ACADSB: variants seen among roughly 807,000 people sequenced by gnomAD.
The protein encoded by ACADSB is short/branched chain specific acyl-CoA dehydrogenase, mitochondrial.
Under a neutral mutation model 54.1 loss-of-function variants are expected in ACADSB, and 40 were observed. The observed-to-expected ratio is 0.74, with a 90% confidence interval of 0.57 to 0.96. The LOEUF is 0.96. Ranked by LOEUF, ACADSB falls within the 40% of genes least tolerant of loss-of-function variation. The pLI is 0.00. For synonymous variants in ACADSB, 182 were observed against 182.8 expected (o/e 1.00, Z 0.03); for missense variants, 530 against 510.4 (o/e 1.04, Z -0.37).
At chr10:123,053,236 G>A (rs905475017) in intron 10 of ACADSB, 76 bp downstream of exon 10, 87 of 1,234,026 alleles carry the variant, frequency 7.1e-5, no homozygotes, top group African/African-American at 2.7e-4. Flanking sequence ...TTTATTTGTC[G>A]TTTTTTTCCT....
In ACADSB at chr10:123,052,188, G is replaced by A. The variant is rs940613799; in HGVS notation, c.1129-873G>A. On this transcript the variant is annotated intron_variant, in intron 9 of 10. Coordinates refer to ENST00000358776, the MANE Select transcript of ACADSB (RefSeq NM_001609.4). The surrounding 1 kb of genome is among the most constrained non-coding windows in gnomAD (Gnocchi z 4.2). ...TGCTATAACAAATTACCAAAAAGTC[G>A]GGGACCTAAAACAACGCAGTTTCAT... Among the ~76,000 whole-genome samples the A allele has an allele frequency of 1.1e-4, 16 of 152,110 alleles. No homozygotes were observed. The highest frequency in any genetic ancestry group is 2.4e-4 in the African/African-American group (10 of 41,440).
intron 1 of ACADSB, among the ~76,000 whole-genome samples, chr10:123,032,867 G>A (rs1054438523): frequency 1.3e-5 from 2 of 152,128 alleles, no homozygotes; most frequent in African/African-American, 4.8e-5. Context: ...GGGATTACAG[G>A]CGTGAGCCAC....
At chr10:123,030,481 C>T (rs1446314343) in intron 1 of ACADSB, among the ~76,000 whole-genome samples, 1 of 147,076 alleles carries the variant, frequency 6.8e-6, no homozygotes, top group Non-Finnish European at 1.5e-5. Context: ...GAACTGAGAT[C>T]GTACCATTGC....
chr10:123,021,999 G>T (rs754623505), intron 1 of ACADSB, among the ~76,000 whole-genome samples: 71 of 151,704 alleles, frequency 4.7e-4, no homozygotes, highest in Non-Finnish European at 9.1e-4. Flanking sequence ...ACTGTGAAGA[G>T]AATTAAAAAA....
intron 3 of ACADSB, among the ~76,000 whole-genome samples, chr10:123,039,275 C>T (rs969559391): frequency 5.3e-5 from 8 of 152,162 alleles, no homozygotes; most frequent in African/African-American, 1.9e-4. Flanking sequence ...ACCATTCAGT[C>T]GCTCGCATTT....
At chr10:123,011,399 A>C (rs976405543) in intron 1 of ACADSB, among the ~76,000 whole-genome samples, 2 of 152,210 alleles carry the variant, frequency 1.3e-5, no homozygotes, top group Non-Finnish European at 2.9e-5. Flanking sequence ...GCCTTCTCAG[A>C]AGGTCTCTCC....
intron 3 of ACADSB, among the ~76,000 whole-genome samples, chr10:123,038,193 G>A (rs1042584659): frequency 2.6e-5 from 4 of 152,194 alleles, no homozygotes; most frequent in Admixed American, 1.3e-4. Flanking sequence ...CTGGCATCTA[G>A]TGGGATAGAG....
chr10:123,042,690 C>T (rs879464559), intron 5 of ACADSB, among the ~76,000 whole-genome samples: 7 of 151,774 alleles, frequency 4.6e-5, no homozygotes, highest in African/African-American at 9.7e-5. Context: ...TCAGGTAATC[C>T]GCCCGACTCA....
intron 1 of ACADSB, among the ~76,000 whole-genome samples, chr10:123,014,347 T>A (rs1850084617): frequency 6.6e-6 from 1 of 152,212 alleles, no homozygotes; most frequent in South Asian, 2.1e-4. Flanking sequence ...TAAGTTAGTT[T>A]TTTAGAGACA....
chr10:123,031,496 T>C (rs117838914), intron 1 of ACADSB, among the ~76,000 whole-genome samples: 2 of 152,166 alleles, frequency 1.3e-5, no homozygotes, highest in Admixed American at 6.5e-5. Context: ...ATCATTTTGA[T>C]GGAGAGGACA....
intron 1 of ACADSB, among the ~76,000 whole-genome samples, chr10:123,032,324 A>G (rs1356653556): frequency 6.6e-6 from 1 of 152,114 alleles, no homozygotes; most frequent in Non-Finnish European, 1.5e-5. Flanking sequence ...AAGGTGATAT[A>G]TTAACTAACA....
At chr10:123,019,526 G>T (rs568408473) in intron 1 of ACADSB, among the ~76,000 whole-genome samples, 2 of 152,326 alleles carry the variant, frequency 1.3e-5, no homozygotes, top group South Asian at 4.2e-4. Flanking sequence ...TGGCCTTTGT[G>T]CAATATTTTG....
chr10:123,043,040 T>C lies in ACADSB; in HGVS notation c.682-6T>C, dbSNP rs1207016402. ...GTGGTAATAGCGTTTTAATTCTTCTTTTTAGGGATATAAGGGAATTACCTC... is the reference window on the plus strand; with the variant it reads ...GTGGTAATAGCGTTTTAATTCTTCTCTTTAGGGATATAAGGGAATTACCTC... On this transcript the variant is annotated splice_region_variant and splice_polypyrimidine_tract_variant and intron_variant, in intron 5 of 10. Coordinates refer to ENST00000358776, the MANE Select transcript of ACADSB (RefSeq NM_001609.4). 1 of 1,613,090 alleles carries C rather than the reference T, an allele frequency of 6.2e-7. No homozygotes were observed. The highest frequency in any genetic ancestry group is 2.2e-5 in the East Asian group (1 of 44,868).
rs201451908 is a variant in ACADSB, at chr10:123,041,267, C to G, written c.569C>G (p.Thr190Ser). 6.2e-7 allele frequency: 1 copy of G among 1,614,094 alleles called. No homozygotes were observed. The highest frequency in any genetic ancestry group is 2.2e-5 in the East Asian group (1 of 44,882). ...GGTAGTGACTCATTTGCTTTGAAGACCAGAGCTGATAAAGAGGGAGATTAT... is the reference window on the plus strand; with the variant it reads ...GGTAGTGACTCATTTGCTTTGAAGAGCAGAGCTGATAAAGAGGGAGATTAT... The part of the protein sequence containing the change: ...GAGSDSFALK[T>S]RADKEGDYYV... The change falls in exon 5 of 11, where the codon ACC (threonine) becomes AGC (serine). Residue 190 changes from threonine to serine, a missense_variant. Thr to Ser is a moderately conservative substitution (Grantham distance 58). Coordinates refer to ENST00000358776, the MANE Select transcript of ACADSB (RefSeq NM_001609.4).
rs148098283 is a variant in ACADSB, at chr10:123,030,911, A to G, written c.43-3445A>G. On this transcript the variant is annotated intron_variant, in intron 1 of 10. Coordinates refer to ENST00000358776, the MANE Select transcript of ACADSB (RefSeq NM_001609.4). ...ACCTTTTCTCAAGGATTCAAAATGC[A>G]TAAAATATAGAGGGTTACAAAGGAA... Among the ~76,000 whole-genome samples, 430 of 152,344 alleles carry G rather than the reference A, an allele frequency of 2.8e-3. 1 individual carries two copies. The highest frequency in any genetic ancestry group is 1.0e-2 in the African/African-American group (415 of 41,580).
rs549117565 is a variant in ACADSB, at chr10:123,037,601, A to G, written c.203-146A>G. On this transcript the variant is annotated intron_variant, in intron 2 of 10. Transcript: ENST00000358776. ...GGAAACTACACCTTTCTATGTTAAAAAGAAAACTTTATAAATTCTATTTTA... is the reference window on the plus strand; with the variant it reads ...GGAAACTACACCTTTCTATGTTAAAGAGAAAACTTTATAAATTCTATTTTA... The G allele has an allele frequency of 8.8e-6, 5 of 569,566 alleles. No homozygotes were observed. In the East Asian group the frequency reaches 9.2e-5, roughly 10 times the overall value. 35.3% of individuals were successfully genotyped at this position (569,566 alleles called of 1,614,324 possible).
At chr10:123,041,141 C>T in intron 4 of ACADSB, 68 bp from the exon 5 acceptor site, 2 of 1,516,746 alleles carry the variant, frequency 1.3e-6, no homozygotes, top group Non-Finnish European at 1.8e-6. Flanking sequence ...TCCATTTTTC[C>T]ATAAGTATTT....
chr10:123,044,079 C>CT (rs1256946298), intron 6 of ACADSB, among the ~76,000 whole-genome samples: 5 of 148,676 alleles, frequency 3.4e-5, no homozygotes, highest in African/African-American at 4.9e-5. Context: ...ACACTGTAGC[C>CT]TACAGATAAG....
In ACADSB at chr10:123,053,822, G is replaced by A. The variant is rs886046783; in HGVS notation, c.*57G>A. Reference sequence around the variant, plus strand: ...CACTGCTGTAAAATTTTAAACGGTTGTGTCTTGTTGGGAGTAAGTGCCTTG... The same window carrying A: ...CACTGCTGTAAAATTTTAAACGGTTATGTCTTGTTGGGAGTAAGTGCCTTG... On this transcript the variant is annotated 3_prime_UTR_variant, in exon 11 of 11. Transcript: ENST00000358776. 7 of 1,488,122 alleles carry A rather than the reference G, an allele frequency of 4.7e-6. No homozygotes were observed. The highest frequency in any genetic ancestry group is 6.6e-6 in the Non-Finnish European group (7 of 1,065,802). The allele number at this position is 1,488,122 out of a possible 1,614,324, so 92.2% of individuals were successfully genotyped here.
Sources: allele counts gnomAD v4.1 joint callset (sites outside exome capture counted in the v4.1 genomes callset), GRCh38; gene constraint gnomAD v4.1.1; non-coding constraint Gnocchi (gnomAD v3.1); transcripts MANE v1.5; gene names NCBI Gene and HGNC (gene_info 2026-07-23, HGNC 2026-07-21).